The following VAV3 variants were observed in gnomAD, a reference collection of about 807,000 sequenced individuals.
The protein encoded by VAV3 is guanine nucleotide exchange factor VAV3.
A neutral mutation model predicts 131.2 loss-of-function variants in VAV3; 94 were observed. The observed-to-expected ratio is 0.72, with a 90% CI of 0.61 to 0.85. VAV3 has a LOEUF of 0.85. VAV3 is among the 40% of genes least tolerant of loss of function. The probability of loss-of-function intolerance (pLI) is 0.00; values close to 1 mark genes in which losing one functional copy is unlikely to be tolerated. For missense variants in VAV3, 939 were observed against 1,002.7 expected (o/e 0.94, Z 0.86); for synonymous variants, 349 against 342.0 (o/e 1.02, Z -0.22).
intron 22 of VAV3, among the ~76,000 whole-genome samples, chr1:107,606,285 GATTC>G (rs1652262331): frequency 1.3e-5 from 2 of 151,992 alleles, no homozygotes; most frequent in Admixed American, 1.3e-4. Flanking sequence ...TTAATACATT[GATTC>G]ATTGTCTTCT....
At chr1:107,820,426 T>C (rs945770243) in intron 2 of VAV3, among the ~76,000 whole-genome samples, 3 of 151,604 alleles carry the variant, frequency 2.0e-5, no homozygotes, top group Middle Eastern at 3.4e-3. Flanking sequence ...ATTTAACTCA[T>C]GGAGATGGAG....
intron 17 of VAV3, among the ~76,000 whole-genome samples, chr1:107,690,064 G>A (rs1384454097): frequency 1.3e-5 from 2 of 152,232 alleles, no homozygotes; most frequent in East Asian, 3.9e-4. Flanking sequence ...CTTTCTACAC[G>A]AGCTCCAAAA....
Position 107,861,497 on chromosome 1 carries a change from A to C in VAV3, c.321+13404T>G, listed in dbSNP as rs898288258. ...GATTTTGGTAAAGAATCCTTGTTAA[A>C]CTTTATAGATATAAGGAGCAGATGC... On this transcript the variant is annotated intron_variant, in intron 2 of 26. Transcript: ENST00000370056. 2.8e-4 allele frequency among the ~76,000 whole-genome samples: 43 copies of C among 151,562 alleles called. 1 individual carries two copies. The highest frequency in any genetic ancestry group is 9.9e-4 in the African/African-American group (41 of 41,384).
At chr1:107,958,259 C>T (rs566740641) in intron 1 of VAV3, among the ~76,000 whole-genome samples, 47 of 152,294 alleles carry the variant, frequency 3.1e-4, no homozygotes, top group African/African-American at 1.1e-3. Flanking sequence ...TCCTCCTTCC[C>T]TTTTGTATAA....
chr1:107,618,992 A>G (rs1407138246), intron 20 of VAV3, among the ~76,000 whole-genome samples: 1 of 152,164 alleles, frequency 6.6e-6, no homozygotes, highest in Non-Finnish European at 1.5e-5. Context: ...AGAATATCAC[A>G]AGGAAACTGA....
intron 15 of VAV3, among the ~76,000 whole-genome samples, chr1:107,720,428 T>TAAAA (rs1553194423): frequency 1.7e-5 from 2 of 114,644 alleles, no homozygotes; most frequent in African/African-American, 3.5e-5. Context: ...AATAAATAAA[T>TAAAA]AAAAGTTCCA....
chr1:107,757,169 GT>G, intron 11 of VAV3, 91 bp downstream of exon 11: 1 of 782,066 alleles, frequency 1.3e-6, no homozygotes, highest in African/African-American at 1.8e-5. Flanking sequence ...GTGTGTGTGT[GT>G]GTGTGTGTGT....
At chr1:107,774,547 T>C (rs1665229914) in intron 4 of VAV3, among the ~76,000 whole-genome samples, 1 of 152,222 alleles carries the variant, frequency 6.6e-6, no homozygotes, top group Admixed American at 6.5e-5. Flanking sequence ...TCCTGATTTC[T>C]GAGCCAGGAA....
intron 2 of VAV3, among the ~76,000 whole-genome samples, chr1:107,862,261 G>A (rs1182186663): frequency 6.6e-6 from 1 of 151,458 alleles, no homozygotes; most frequent in Non-Finnish European, 1.5e-5. Flanking sequence ...TAGTTGTTTG[G>A]TGCTCATACC....
At chr1:107,578,150 AT>A (rs1649782141) in intron 25 of VAV3, among the ~76,000 whole-genome samples, 1 of 152,158 alleles carries the variant, frequency 6.6e-6, no homozygotes, top group Non-Finnish European at 1.5e-5. Context: ...GAGTTTAGTT[AT>A]TCTTAGAATC....
At chr1:107,867,888 G>A (rs1287194825) in intron 2 of VAV3, among the ~76,000 whole-genome samples, 1 of 152,208 alleles carries the variant, frequency 6.6e-6, no homozygotes, top group African/African-American at 2.4e-5. Flanking sequence ...CAGGCTTGCT[G>A]ACAGAATACA....
At chr1:107,771,697 T>C (rs12140259) in intron 5 of VAV3, among the ~76,000 whole-genome samples, 50,510 of 152,142 alleles carry the variant, frequency 0.33, 8,916 homozygotes, top group Non-Finnish European at 0.38. Flanking sequence ...CTTTTCCAAG[T>C]GCGCAAGAAG....
intron 15 of VAV3, among the ~76,000 whole-genome samples, chr1:107,728,600 C>CGTATACGTATACGTATACGTATAT (rs375667378): frequency 0.032 from 4,436 of 136,604 alleles, 124 homozygotes; most frequent in Admixed American, 0.073. Flanking sequence ...TATACGTATA[C>CGTATACGTATACGTATACGTATAT]GTATATGTAT....
chr1:107,709,005 T>C (rs1660619852), intron 15 of VAV3, among the ~76,000 whole-genome samples: 1 of 152,052 alleles, frequency 6.6e-6, no homozygotes, highest in South Asian at 2.1e-4. Context: ...AATCCTAATA[T>C]AGACACACTA....
intron 1 of VAV3, among the ~76,000 whole-genome samples, chr1:107,903,576 G>A (rs1164901824): frequency 6.6e-6 from 1 of 152,030 alleles, no homozygotes; most frequent in East Asian, 1.9e-4. Context: ...CTCAAAGTGT[G>A]GCAAAGACAG....
intron 12 of VAV3, among the ~76,000 whole-genome samples, chr1:107,753,493 T>TACACACATATATATACACAC (rs772504104): frequency 9.0e-6 from 1 of 111,610 alleles, no homozygotes; most frequent in African/African-American, 3.4e-5. Context: ...TGTATATATA[T>TACACACATATATATACACAC]ACACACATAT....
chr1:107,965,173 C>A lies in VAV3; in HGVS notation c.-304G>T, dbSNP rs1379366996. ...CAGGCTTCCGACTCCAGCGCCCGGC[C>A]CGCCACTGAGCATGCCCAGCACGCC... On this transcript the variant is annotated 5_prime_UTR_variant, in exon 1 of 27. Coordinates refer to ENST00000370056, the MANE Select transcript of VAV3 (RefSeq NM_006113.5). 6.7e-6 allele frequency: 1 copy of A among 150,176 alleles called. No individual in the cohort carries two copies. Among genetic ancestry groups the A allele is most frequent in the East Asian group, 1.9e-4 (1 of 5,132 alleles). The allele number at this position is 150,176 out of a possible 1,614,324, so 9.3% of individuals were successfully genotyped here.
At chr1:107,603,462 GC>G (rs1417017147) in intron 22 of VAV3, among the ~76,000 whole-genome samples, 1 of 152,122 alleles carries the variant, frequency 6.6e-6, no homozygotes, top group East Asian at 1.9e-4. Context: ...GTTGTGGGGA[GC>G]TTAGGGACAG....
intron 19 of VAV3, among the ~76,000 whole-genome samples, chr1:107,662,524 C>G (rs1657096125): frequency 6.6e-6 from 1 of 152,094 alleles, no homozygotes; most frequent in Admixed American, 6.5e-5. Context: ...TTTCAATGAT[C>G]AATGTTTTTA....
Sources: gnomAD v4.1 joint callset for allele counts (sites outside exome capture counted in the v4.1 genomes callset) on GRCh38, gnomAD v4.1.1 for gene constraint, MANE v1.5 for transcripts, NCBI Gene and HGNC (gene_info 2026-07-23, HGNC 2026-07-21) for gene names.